Variants in KIF16B observed in about 807,000 individuals in gnomAD.
KIF16B encodes the protein kinesin-like protein KIF16B.
Under a neutral mutation model 156.3 loss-of-function variants are expected in KIF16B, and 98 were observed. The observed-to-expected ratio is 0.63, with a 90% CI of 0.53 to 0.74. The LOEUF (loss-of-function observed/expected upper bound fraction) is 0.74. Among genes scored for constraint, KIF16B ranks in the 30% least tolerant of loss-of-function variants. The pLI, the probability that KIF16B is intolerant of heterozygous loss-of-function variation, is 0.00. For synonymous variants in KIF16B, 564 were observed against 583.7 expected (o/e 0.97, Z 0.49); for missense variants, 1,421 against 1,606.5 (o/e 0.88, Z 1.97).
In KIF16B at chr20:16,573,343, G is replaced by T. The variant is rs1409296933; in HGVS notation, c.-68C>A. 2 of 1,549,026 alleles carry T rather than the reference G, an allele frequency of 1.3e-6. No homozygotes were observed. Among genetic ancestry groups the T allele is most frequent in the African/African-American group, 1.4e-5 (1 of 73,326 alleles). On this transcript the variant is annotated 5_prime_UTR_variant, in exon 1 of 26. Transcript: ENST00000354981. Reference sequence around the variant, plus strand: ...AACTCCGCGGTCGCCGGCGACGCTGGCTACTCAGATCGCGGCTCCCGCCCA... The same window carrying T: ...AACTCCGCGGTCGCCGGCGACGCTGTCTACTCAGATCGCGGCTCCCGCCCA...
chr20:16,442,362 A>G lies in KIF16B; in HGVS notation c.1303-12380T>C, dbSNP rs2066825976. On this transcript the variant is annotated intron_variant, in intron 12 of 25. Coordinates refer to ENST00000354981, the MANE Select transcript of KIF16B (RefSeq NM_024704.5). ...TGTGTGTGTGTGTATATATATATAT[A>G]TATATAAAATAGGTGCCTATCTAAT... 2.1e-5 allele frequency among the ~76,000 whole-genome samples: 3 copies of G among 146,242 alleles called. No individual in the cohort carries two copies. In the South Asian group the frequency reaches 6.3e-4, roughly 31 times the overall value.
chr20:16,319,596 G>A (rs2063745500), intron 24 of KIF16B, among the ~76,000 whole-genome samples: 1 of 152,200 alleles, frequency 6.6e-6, no homozygotes, highest in Admixed American at 6.5e-5. Flanking sequence ...ACTGAGGCCT[G>A]CTGCTAGAGC....
At chr20:16,464,345 T>C (rs970746277) in intron 12 of KIF16B, among the ~76,000 whole-genome samples, 5 of 152,108 alleles carry the variant, frequency 3.3e-5, no homozygotes, top group African/African-American at 1.2e-4. Context: ...ACAAATTGGA[T>C]ATAAAAATTC....
chr20:16,481,087 TAG>T (rs145169990), intron 12 of KIF16B, among the ~76,000 whole-genome samples: 2,986 of 152,248 alleles, frequency 0.02, 99 homozygotes, highest in African/African-American at 0.069. Context: ...TCGTCAAAAA[TAG>T]AGATTTGGGG....
intron 15 of KIF16B, among the ~76,000 whole-genome samples, chr20:16,415,058 G>T (rs2146337124): frequency 6.6e-6 from 1 of 152,234 alleles, no homozygotes; most frequent in East Asian, 1.9e-4. Context: ...GTTTACAATG[G>T]ATTTATCAGG....
At chr20:16,470,651 T>C (rs2067636281) in intron 12 of KIF16B, among the ~76,000 whole-genome samples, 1 of 148,558 alleles carries the variant, frequency 6.7e-6, no homozygotes, top group Admixed American at 6.6e-5. Flanking sequence ...GCCCAGCAAA[T>C]TCTTTTTTTC....
chr20:16,315,827 A>G (rs2063689586), intron 24 of KIF16B, among the ~76,000 whole-genome samples: 1 of 152,220 alleles, frequency 6.6e-6, no homozygotes, highest in African/African-American at 2.4e-5. Context: ...GAACAGCTGC[A>G]AAAGTTCCAA....
At chr20:16,337,543 AC>A (rs1007847861) in intron 23 of KIF16B, among the ~76,000 whole-genome samples, 4 of 151,640 alleles carry the variant, frequency 2.6e-5, no homozygotes, top group South Asian at 2.1e-4. Flanking sequence ...CCATAAGAAA[AC>A]AAAAGTGAAT....
At chr20:16,524,243 C>T (rs2069452705) in intron 3 of KIF16B, among the ~76,000 whole-genome samples, 2 of 152,164 alleles carry the variant, frequency 1.3e-5, no homozygotes, top group African/African-American at 4.8e-5. Context: ...AGGCAACTTA[C>T]AGAATAGGAG....
chr20:16,327,653 C>A (rs773078141), intron 24 of KIF16B, among the ~76,000 whole-genome samples: 1 of 152,094 alleles, frequency 6.6e-6, no homozygotes, highest in African/African-American at 2.4e-5. Context: ...AATTTGGATG[C>A]TCATTGCGCC....
intron 24 of KIF16B, among the ~76,000 whole-genome samples, chr20:16,317,762 G>C (rs552709190): frequency 3.3e-5 from 5 of 152,322 alleles, no homozygotes; most frequent in Admixed American, 2.0e-4. Flanking sequence ...AAGAGATGAC[G>C]GGAGACAAGG....
At chr20:16,276,633 G>A (rs1401901052) in intron 25 of KIF16B, among the ~76,000 whole-genome samples, 1 of 152,070 alleles carries the variant, frequency 6.6e-6, no homozygotes, top group Non-Finnish European at 1.5e-5. Flanking sequence ...CATGACCTTT[G>A]TTGGCCATGT....
chr20:16,398,531 A>C (rs2065570599), intron 17 of KIF16B, among the ~76,000 whole-genome samples: 1 of 152,208 alleles, frequency 6.6e-6, no homozygotes, highest in Admixed American at 6.5e-5. Flanking sequence ...GTCAGGAATC[A>C]CAGTGGTAAC....
chr20:16,306,323 TG>T (rs1274401754), intron 25 of KIF16B, among the ~76,000 whole-genome samples: 3 of 152,134 alleles, frequency 2.0e-5, no homozygotes, highest in African/African-American at 7.2e-5. Flanking sequence ...GACTTCACAG[TG>T]GGCAGTCTTG....
At chr20:16,335,797 C>A in intron 24 of KIF16B, 129 bp downstream of exon 24, 2 of 565,966 alleles carry the variant, frequency 3.5e-6, no homozygotes, top group South Asian at 2.9e-5. Context: ...TGAAGTAAGA[C>A]TTAGTGACAC....
Position 16,356,342 on chromosome 20 carries a change from C to T in KIF16B, c.3609G>A (p.Glu1203=), listed in dbSNP as rs1568880059. ...AGAAGACACTCACCTTGACCTCAAACTCGAAGTGTGCATCCTTTCCTTGCC... is the reference window on the plus strand; with the variant it reads ...AGAAGACACTCACCTTGACCTCAAATTCGAAGTGTGCATCCTTTCCTTGCC... ...LCGQGKDAHF[E]FEVKITVLDE... is the part of the protein sequence containing the mutation. Residue 1203 remains glutamate, a synonymous_variant, in exon 23 of 26, where the codon GAG becomes GAA. Transcript: ENST00000354981. 4 of 1,614,038 alleles carry T rather than the reference C, an allele frequency of 2.5e-6. No homozygotes were observed. Among genetic ancestry groups the T allele is most frequent in the Non-Finnish European group, 3.4e-6 (4 of 1,179,992 alleles).
chr20:16,551,029 C>T (rs1216975597), intron 1 of KIF16B, among the ~76,000 whole-genome samples: 1 of 151,966 alleles, frequency 6.6e-6, no homozygotes, highest in East Asian at 1.9e-4. Context: ...TTGAACAAAA[C>T]ATGATTTAAC....
intron 17 of KIF16B, among the ~76,000 whole-genome samples, chr20:16,397,139 G>T (rs2065526228): frequency 6.6e-6 from 1 of 152,206 alleles, no homozygotes; most frequent in African/African-American, 2.4e-5. Flanking sequence ...TCAAAGCAAG[G>T]CAGAGGAGGC....
chr20:16,374,168 C>T, intron 20 of KIF16B, 89 bp downstream of exon 20: 2 of 1,302,428 alleles, frequency 1.5e-6, no homozygotes, highest in Non-Finnish European at 1.0e-6. Context: ...TTAATAGAGC[C>T]CTCCAGATAC....
Sources: gnomAD v4.1 joint callset for allele counts (sites outside exome capture counted in the v4.1 genomes callset) on GRCh38, gnomAD v4.1.1 for gene constraint, MANE v1.5 for transcripts, NCBI Gene and HGNC (gene_info 2026-07-23, HGNC 2026-07-21) for gene names.